The following LCA5 variants were observed in gnomAD, a reference collection of about 807,000 sequenced individuals.
LCA5 encodes lebercilin LCA5, also known as lebercilin.
LCA5 carries 37 observed loss-of-function variants against 53.0 expected under a neutral mutation model. That is an observed-to-expected ratio of 0.70 (90% CI 0.54 to 0.92). The LOEUF (loss-of-function observed/expected upper bound fraction) is 0.92. LCA5 is among the 40% of genes least tolerant of loss of function. The pLI is 0.00. For missense variants in LCA5, 806 were observed against 790.5 expected (o/e 1.02, Z -0.23); for synonymous variants, 303 against 282.9 (o/e 1.07, Z -0.71).
chr6:79,517,907 C>G (rs772426469), intron 2 of LCA5, among the ~76,000 whole-genome samples: 8 of 152,106 alleles, frequency 5.3e-5, no homozygotes, highest in Non-Finnish European at 8.8e-5. Context: ...CACAATTTTA[C>G]CACTCCTGGC....
At chr6:79,490,830 G>A (rs960786957) in intron 6 of LCA5, among the ~76,000 whole-genome samples, 19 of 151,934 alleles carry the variant, frequency 1.3e-4, no homozygotes, top group African/African-American at 3.1e-4. Flanking sequence ...TTGCCGATAC[G>A]TTGTTTTCTT....
At chr6:79,533,863 T>C (rs900187324) in intron 1 of LCA5, among the ~76,000 whole-genome samples, 12 of 151,782 alleles carry the variant, frequency 7.9e-5, no homozygotes, top group Non-Finnish European at 1.6e-4. Flanking sequence ...TCAGCTTCTT[T>C]AGATAAAACA....
intron 1 of LCA5, among the ~76,000 whole-genome samples, chr6:79,528,685 A>G (rs1339807653): frequency 6.6e-6 from 1 of 152,202 alleles, no homozygotes; most frequent in Non-Finnish European, 1.5e-5. Flanking sequence ...GTGGTCAACT[A>G]TTAATAAGAA....
rs1231083078 is a variant in LCA5 at position 79,485,845 on chromosome 6, T to C, written c.*1159A>G. 1.3e-5 allele frequency: 2 copies of C among 152,180 alleles called. No individual in the cohort carries two copies. Among genetic ancestry groups the C allele is most frequent in the Non-Finnish European group, 2.9e-5 (2 of 68,022 alleles). The allele number at this position is 152,180 out of a possible 1,614,324, so 9.4% of individuals were successfully genotyped here. On this transcript the variant is annotated 3_prime_UTR_variant, in exon 8 of 8. Transcript: ENST00000369846. ...TCTCCTTGGGCTGGTGGTATATTACTGCTTTTTAAAGACCAATCATACCCA... is the reference window on the plus strand; with the variant it reads ...TCTCCTTGGGCTGGTGGTATATTACCGCTTTTTAAAGACCAATCATACCCA...
chr6:79,528,456 T>C (rs1165124068), intron 1 of LCA5, among the ~76,000 whole-genome samples: 1 of 152,208 alleles, frequency 6.6e-6, no homozygotes, highest in African/African-American at 2.4e-5. Context: ...TACCATCCGA[T>C]TGGATAGGGA....
At position 79,491,673 on chromosome 6, in the gene LCA5, T is replaced by C. The variant is rs1352311774; in HGVS notation, c.1013A>G (p.Asp338Gly). ...TAAAGGATATTCTTCTGGCTTGAAG[T>C]CTTCCATGGTTTGTACTCCTTTTGT... Reference protein sequence around the residue: ...LCTKGVQTMEDFKPEEYPLTP... With the variant: ...LCTKGVQTMEGFKPEEYPLTP... The change falls in exon 6 of 8, where the codon GAC becomes GGC. Residue 338 changes from aspartate (D) to glycine (G), a missense_variant. Physicochemically the swap from Asp to Gly is moderately conservative, Grantham distance 94. Transcript: ENST00000369846. The C allele has an allele frequency of 1.2e-6, 2 of 1,613,194 alleles. No homozygotes were observed. The highest frequency in any genetic ancestry group is 1.1e-5 in the South Asian group (1 of 91,076).
At chr6:79,497,469 T>C (rs1323446830) in intron 3 of LCA5, among the ~76,000 whole-genome samples, 1 of 152,126 alleles carries the variant, frequency 6.6e-6, no homozygotes, top group Non-Finnish European at 1.5e-5. Flanking sequence ...ACCTCATCTA[T>C]ACACAATGAA....
intron 3 of LCA5, among the ~76,000 whole-genome samples, chr6:79,507,620 G>A (rs903035414): frequency 6.6e-6 from 1 of 152,076 alleles, no homozygotes; most frequent in Non-Finnish European, 1.5e-5. Flanking sequence ...ATCCTGTACG[G>A]CAGACACACC....
intron 4 of LCA5, among the ~76,000 whole-genome samples, 184 bp from the exon 5 acceptor site, chr6:79,492,831 T>C (rs1028237888): frequency 3.3e-5 from 5 of 152,000 alleles, no homozygotes; most frequent in African/African-American, 1.2e-4. Context: ...AGAGCAATAA[T>C]TTTCCCTAAA....
chr6:79,494,462 TA>T (rs1361011423), intron 3 of LCA5, among the ~76,000 whole-genome samples: 4 of 152,104 alleles, frequency 2.6e-5, no homozygotes, highest in African/African-American at 9.7e-5. Flanking sequence ...ACATCATTTC[TA>T]ACTTGCGGGC....
intron 3 of LCA5, among the ~76,000 whole-genome samples, chr6:79,509,069 G>A (rs1770341939): frequency 1.3e-5 from 2 of 152,130 alleles, no homozygotes; most frequent in African/African-American, 4.8e-5. Flanking sequence ...TTACCCTCAG[G>A]TGGGCTGCGC....
chr6:79,490,361 C>T (rs532129596), intron 6 of LCA5, among the ~76,000 whole-genome samples: 2 of 152,110 alleles, frequency 1.3e-5, no homozygotes, highest in African/African-American at 4.8e-5. Context: ...AGTAATCCAC[C>T]CTCATTTTAT....
At chr6:79,514,400 T>C (rs1310042593) in intron 2 of LCA5, among the ~76,000 whole-genome samples, 2 of 152,124 alleles carry the variant, frequency 1.3e-5, no homozygotes, top group Admixed American at 1.3e-4. Flanking sequence ...AAGGATCGCA[T>C]ATACACTGTT....
At position 79,526,194 on chromosome 6, in the gene LCA5, G is replaced by A. The variant is rs964761186; in HGVS notation, c.-191-7109C>T. Among the ~76,000 whole-genome samples, 5 of 152,106 alleles carry A rather than the reference G, an allele frequency of 3.3e-5. No homozygotes were observed. The South Asian group carries it at 8.3e-4, about 25-fold the overall frequency. The stretch of plus-strand genomic sequence containing the variant: ...CATAAATCACCTTTCCGGTGGGGTG[G>A]AAGCCTTTCCCCTTCCCAATAGCCA... On this transcript the variant is annotated intron_variant, in intron 1 of 7. Coordinates refer to ENST00000369846, the MANE Select transcript of LCA5 (RefSeq NM_001122769.3).
chr6:79,528,014 G>A (rs374924196), intron 1 of LCA5, among the ~76,000 whole-genome samples: 1 of 152,120 alleles, frequency 6.6e-6, no homozygotes, highest in East Asian at 1.9e-4. Flanking sequence ...TGCCTGGGTC[G>A]AATGGGTCAA....
At chr6:79,500,519 A>G (rs62411352) in intron 3 of LCA5, among the ~76,000 whole-genome samples, 68 of 152,300 alleles carry the variant, frequency 4.5e-4, no homozygotes, top group Admixed American at 1.9e-3. Flanking sequence ...TTATAGCTCA[A>G]TTCTAAAGAT....
intron 1 of LCA5, among the ~76,000 whole-genome samples, chr6:79,520,877 G>A (rs1360460545): frequency 2.0e-5 from 3 of 152,110 alleles, no homozygotes; most frequent in Non-Finnish European, 2.9e-5. Flanking sequence ...AGGAAGAAGG[G>A]TAACATACAT....
At chr6:79,522,191 T>G (rs188670425) in intron 1 of LCA5, among the ~76,000 whole-genome samples, 3 of 152,226 alleles carry the variant, frequency 2.0e-5, no homozygotes, top group African/African-American at 7.2e-5. Context: ...GAAGTATTTC[T>G]TTATGGAATT....
At chr6:79,503,313 G>A (rs1770192339) in intron 3 of LCA5, among the ~76,000 whole-genome samples, 1 of 152,150 alleles carries the variant, frequency 6.6e-6, no homozygotes, top group Admixed American at 6.5e-5. Context: ...AAGTTGTTAG[G>A]CATGTGAGTT....
Sources: gnomAD v4.1 joint callset for allele counts (sites outside exome capture counted in the v4.1 genomes callset) on GRCh38, gnomAD v4.1.1 for gene constraint, MANE v1.5 for transcripts, NCBI Gene and HGNC (gene_info 2026-07-23, HGNC 2026-07-21) for gene names.